Variants in EPHA8 observed in about 807,000 individuals in gnomAD.
The protein encoded by EPHA8 is EPH receptor A8.
In EPHA8, 58 loss-of-function variants were observed where a neutral mutation model predicts 103.6. That is an observed-to-expected ratio of 0.56 (90% CI 0.45 to 0.70). EPHA8 has a LOEUF of 0.70. Ranked by LOEUF, EPHA8 falls within the 30% of genes least tolerant of loss-of-function variation. The pLI, the probability that EPHA8 is intolerant of heterozygous loss-of-function variation, is 0.00. For synonymous variants in EPHA8, 559 were observed against 572.5 expected (o/e 0.98, Z 0.34); for missense variants, 1,304 against 1,395.2 (o/e 0.93, Z 1.04).
rs770559565 is a variant in EPHA8, at chr1:22,600,687, G to T, written c.2415G>T (p.Thr805=). ...GCGGGAAGATCCCCATCCGCTGGAC[G>T]GCCCCAGAGGCCATCGCCTTCCGCA... is the stretch of plus-strand genomic sequence containing the variant. ...TTGGKIPIRW[T]APEAIAFRTF... is the part of the protein sequence containing the mutation. Residue 805 remains threonine, a synonymous_variant, in exon 14 of 17, where the codon ACG becomes ACT. Transcript: ENST00000166244. The T allele has an allele frequency of 1.2e-6, 2 of 1,613,492 alleles. No individual in the cohort carries two copies. Among genetic ancestry groups the T allele is most frequent in the Admixed American group, 1.7e-5 (1 of 60,000 alleles).
At chr1:22,593,107 C>T (rs1328251830) in intron 5 of EPHA8, among the ~76,000 whole-genome samples, 1 of 152,212 alleles carries the variant, frequency 6.6e-6, no homozygotes, top group Non-Finnish European at 1.5e-5. Context: ...ACATCCCAGA[C>T]CATGCCAGGC....
At chr1:22,578,120 GTGTA>G (rs1211073019) in intron 3 of EPHA8, among the ~76,000 whole-genome samples, 1 of 76,758 alleles carries the variant, frequency 1.3e-5, no homozygotes, top group Non-Finnish European at 2.8e-5. Flanking sequence ...GTGTGCGTGA[GTGTA>G]TGCATGTGTG....
At position 22,576,651 on chromosome 1, in the gene EPHA8, C is replaced by T. The variant is rs915435424; in HGVS notation, c.594C>T (p.Arg198=). 1.2e-6 allele frequency: 2 copies of T among 1,613,766 alleles called. No individual in the cohort carries two copies. Among genetic ancestry groups the T allele is most frequent in the African/African-American group, 2.7e-5 (2 of 74,906 alleles). The change falls in exon 3 of 17, where the codon CGC becomes CGT. Residue 198 remains arginine, a synonymous_variant. Transcript: ENST00000166244. This position sits in a 1 kb window ranked among gnomAD's most constrained non-coding sequence, Gnocchi z 4.8. The part of the protein sequence containing the change: ...IGACLAILSL[R]IYYKKCPAMV... ...CCTGCCTGGCCATCCTCTCTCTCCGCATCTACTATAAGAAGTGCCCTGCCA... is the reference window on the plus strand; with the variant it reads ...CCTGCCTGGCCATCCTCTCTCTCCGTATCTACTATAAGAAGTGCCCTGCCA...
intron 3 of EPHA8, among the ~76,000 whole-genome samples, chr1:22,583,545 G>T (rs141615089): frequency 3.9e-5 from 6 of 152,302 alleles, no homozygotes; most frequent in African/African-American, 1.4e-4. Context: ...GGCTCCCTGA[G>T]CCTCTGTTTC....
chr1:22,600,481 T>C (rs549127175), intron 13 of EPHA8, among the ~76,000 whole-genome samples, 180 bp from the exon 14 acceptor site: 1 of 152,124 alleles, frequency 6.6e-6, no homozygotes, highest in Admixed American at 6.5e-5. Context: ...CCTCCTTCCT[T>C]CGTCTCCACA....
At chr1:22,566,956 A>G (rs1448532026) in intron 1 of EPHA8, among the ~76,000 whole-genome samples, 2 of 152,180 alleles carry the variant, frequency 1.3e-5, no homozygotes, top group South Asian at 2.1e-4. Context: ...CTGGAATCCC[A>G]TAGCCCTTCC....
intron 13 of EPHA8, among the ~76,000 whole-genome samples, chr1:22,600,306 GGAAAA>G (rs1641686734): frequency 7.0e-6 from 1 of 143,070 alleles, no homozygotes; most frequent in Non-Finnish European, 1.5e-5. Flanking sequence ...GAAGGGAAGA[GGAAAA>G]GAAGGGAGGA....
chr1:22,589,103 C>T lies in EPHA8; in HGVS notation c.1212C>T (p.Ala404=). 3 of 1,613,782 alleles carry T rather than the reference C, an allele frequency of 1.9e-6. No individual in the cohort carries two copies. Among genetic ancestry groups the T allele is most frequent in the Non-Finnish European group, 2.5e-6 (3 of 1,179,938 alleles). Residue 404 remains alanine, a synonymous_variant, in exon 5 of 17, where the codon GCC becomes GCT. Transcript: ENST00000166244. This position sits in a 1 kb window ranked among gnomAD's most constrained non-coding sequence, Gnocchi z 4.3. Reference sequence around the variant, plus strand: ...GCCTGCTGGTGGCCAACCTGCTGGCCCACATGAACTACTCCTTCTGGATCG... The same window carrying T: ...GCCTGCTGGTGGCCAACCTGCTGGCTCACATGAACTACTCCTTCTGGATCG... The part of the protein sequence containing the change: ...QASLLVANLL[A]HMNYSFWIEA...
At chr1:22,599,894 AGGAAGGAAG>A (rs1641655912) in intron 13 of EPHA8, among the ~76,000 whole-genome samples, 26 of 55,150 alleles carry the variant, frequency 4.7e-4, no homozygotes, top group South Asian at 2.5e-3. Flanking sequence ...TGGGGGAGGA[AGGAAGGAAG>A]GGAGGGAAGG....
In EPHA8 at chr1:22,595,333, C is replaced by T. The variant is rs764989256; in HGVS notation, c.1697+10C>T. On this transcript the variant is annotated intron_variant, in intron 8 of 16. Coordinates refer to ENST00000166244, the MANE Select transcript of EPHA8 (RefSeq NM_020526.5). The stretch of plus-strand genomic sequence containing the variant: ...TCATCTGCAAGAAGAGGTGGGTGGT[C>T]TGGCCCAGCCACACCCAGCCCCTCC... 1.2e-6 allele frequency: 2 copies of T among 1,605,300 alleles called. No individual in the cohort carries two copies. Among genetic ancestry groups the T allele is most frequent in the African/African-American group, 2.7e-5 (2 of 74,838 alleles).
chr1:22,600,127 GAGA>G (rs1641672901), intron 13 of EPHA8, among the ~76,000 whole-genome samples: 1 of 120,760 alleles, frequency 8.3e-6, no homozygotes, highest in African/African-American at 3.2e-5. Context: ...AGGAGGGAAG[GAGA>G]GAAGGAAGGA....
At chr1:22,600,616 C>A (rs771451302) in intron 13 of EPHA8, 45 bp from the exon 14 acceptor site, 2 of 1,604,980 alleles carry the variant, frequency 1.2e-6, no homozygotes, top group African/African-American at 1.3e-5. Context: ...GGGGGACACC[C>A]TGCCAGGCCT....
rs752059573 is a variant in EPHA8, at chr1:22,586,530, C to G, written c.874C>G (p.Arg292Gly). 3 of 1,613,646 alleles carry G rather than the reference C, an allele frequency of 1.9e-6. No homozygotes were observed. In the South Asian group the frequency reaches 3.3e-5, roughly 18 times the overall value. The change falls in exon 4 of 17, where the codon CGC becomes GGC. Residue 292 changes from arginine (R) to glycine (G), a missense_variant. Arg to Gly is a moderately radical substitution (Grantham distance 125). Transcript: ENST00000166244. ...KSAPGDQLCA[R>G]CPPHSHSAAP... ...AGCCCCTGGGGACCAGCTGTGTGCC[C>G]GCTGCCCTCCCCACAGCCACTCCGC...
chr1:22,595,772 G>A (rs1367276539), intron 8 of EPHA8, among the ~76,000 whole-genome samples: 3 of 152,228 alleles, frequency 2.0e-5, no homozygotes, highest in Non-Finnish European at 4.4e-5. Context: ...CATCCATGTA[G>A]TTGGCCACAG....
intron 9 of EPHA8, among the ~76,000 whole-genome samples, chr1:22,596,552 C>T (rs1307838765): frequency 1.3e-5 from 2 of 152,242 alleles, no homozygotes; most frequent in African/African-American, 4.8e-5. Context: ...CTCCTGTGCC[C>T]GTGGCAGACA....
rs209747 is a variant in EPHA8 at position 22,568,695 on chromosome 1, G to A, written c.95-594G>A. ...AAGCCCCTCCACACCAGATGTGCAC[G>A]GAGGACGTGCTAAATGCCAGGCACC... On this transcript the variant is annotated intron_variant, in intron 1 of 16. Coordinates refer to ENST00000166244, the MANE Select transcript of EPHA8 (RefSeq NM_020526.5). 8.6e-3 allele frequency among the ~76,000 whole-genome samples: 1,315 copies of A among 152,334 alleles called. 20 individuals are homozygous for A. Among genetic ancestry groups the A allele is most frequent in the African/African-American group, 0.03 (1,247 of 41,582 alleles).
chr1:22,586,547 C>T lies in EPHA8; in HGVS notation c.891C>T (p.Ser297=), dbSNP rs756914105. ...TGTGTGCCCGCTGCCCTCCCCACAG[C>T]CACTCCGCAGCTCCAGCCGCCCAAG... ...DQLCARCPPH[S]HSAAPAAQAC... The change falls in exon 4 of 17, where the codon AGC becomes AGT. Residue 297 remains serine, a synonymous_variant. Coordinates refer to ENST00000166244, the MANE Select transcript of EPHA8 (RefSeq NM_020526.5). 93 of 1,613,768 alleles carry T rather than the reference C, an allele frequency of 5.8e-5. No individual in the cohort carries two copies. Among genetic ancestry groups the T allele is most frequent in the Non-Finnish European group, 7.6e-5 (90 of 1,179,994 alleles).
At position 22,602,051 on chromosome 1, in the gene EPHA8, C is replaced by A. The variant is rs1641754375; in HGVS notation, c.*310C>A. 4.0e-6 allele frequency: 2 copies of A among 496,730 alleles called. No homozygotes were observed. The highest frequency in any genetic ancestry group is 7.1e-6 in the Non-Finnish European group (2 of 282,320). 30.8% of individuals were successfully genotyped at this position (496,730 alleles called of 1,614,324 possible). A position where few individuals can be genotyped will look rare whatever the true frequency, so the allele number is the denominator to read the frequency against. On this transcript the variant is annotated 3_prime_UTR_variant, in exon 17 of 17. Coordinates refer to ENST00000166244, the MANE Select transcript of EPHA8 (RefSeq NM_020526.5). ...TCACTCGCCTGCCTCTGTGTGCGTG[C>A]ATGTGTGTGTGTGGTGGGGGGTGTT...
chr1:22,591,321 C>T (rs1332131154), intron 5 of EPHA8, among the ~76,000 whole-genome samples: 2 of 152,138 alleles, frequency 1.3e-5, no homozygotes, highest in South Asian at 2.1e-4. Context: ...ATCTCCGGAG[C>T]CCAAGTGATC....
Sources: allele counts gnomAD v4.1 joint callset (sites outside exome capture counted in the v4.1 genomes callset), GRCh38; gene constraint gnomAD v4.1.1; non-coding constraint Gnocchi (gnomAD v3.1); transcripts MANE v1.5; gene names NCBI Gene and HGNC (gene_info 2026-07-23, HGNC 2026-07-21).